The following TANC1 variants were observed in gnomAD, a reference collection of about 807,000 sequenced individuals.
TANC1 encodes tetratricopeptide repeat, ankyrin repeat and coiled-coil containing 1.
Under a neutral mutation model 149.7 loss-of-function variants are expected in TANC1, and 77 were observed. The ratio of observed to expected loss-of-function variants is 0.51; its 90% CI spans 0.43 to 0.62. TANC1 has a LOEUF of 0.62. TANC1 is among the 20% of genes least tolerant of loss of function. TANC1 has a pLI of 0.00. For missense variants in TANC1, 1,985 were observed against 2,321.8 expected, an observed-to-expected ratio of 0.85 and a Z score of 2.98; for synonymous variants, 854 against 925.0, an observed-to-expected ratio of 0.92 and a Z score of 1.39.
At chr2:159,021,323 G>T (rs1157161327) in intron 2 of TANC1, among the ~76,000 whole-genome samples, 2 of 152,124 alleles carry the variant, frequency 1.3e-5, no homozygotes, top group East Asian at 3.8e-4. Flanking sequence ...TTTAAGATCA[G>T]TTTCTAGTGA....
chr2:159,025,673 G>A (rs1272739781), intron 2 of TANC1, among the ~76,000 whole-genome samples: 2 of 152,084 alleles, frequency 1.3e-5, no homozygotes, highest in African/African-American at 4.8e-5. Context: ...AGGGATGTTG[G>A]ATACATGGGG....
chr2:159,074,110 C>G (rs1271160119), intron 3 of TANC1, among the ~76,000 whole-genome samples: 1 of 152,122 alleles, frequency 6.6e-6, no homozygotes, highest in Non-Finnish European at 1.5e-5. Flanking sequence ...TGTGTCTTCT[C>G]TCTCCCACTC....
At position 159,230,961 on chromosome 2, in the gene TANC1, C is replaced by T. The variant is rs1369440506; in HGVS notation, c.5535C>T (p.Ser1845=). The change falls in exon 27 of 27, where the codon AGC becomes AGT. Residue 1845 remains serine, a synonymous_variant. Transcript: ENST00000263635. The surrounding 1 kb of genome is among the most constrained non-coding windows in gnomAD (Gnocchi z 4.4). ...ATATTAGTAATGAAGCCCACAGGAG[C>T]CACCTCACTGCAGCCAAACCAAAGC... ...QPHISNEAHR[S]HLTAAKPKRS... is the part of the protein sequence containing the mutation. 1.2e-6 allele frequency: 2 copies of T among 1,613,900 alleles called. No homozygotes were observed. Among genetic ancestry groups the T allele is most frequent in the Non-Finnish European group, 1.7e-6 (2 of 1,180,000 alleles).
At chr2:159,016,648 C>T (rs1004223067) in intron 2 of TANC1, among the ~76,000 whole-genome samples, 1 of 150,794 alleles carries the variant, frequency 6.6e-6, no homozygotes, top group Admixed American at 6.6e-5. Context: ...GATCTTGGCT[C>T]ACTGCATGCT....
chr2:159,142,064 G>A (rs1320093938), intron 5 of TANC1, among the ~76,000 whole-genome samples: 1 of 152,208 alleles, frequency 6.6e-6, no homozygotes, highest in African/African-American at 2.4e-5. Flanking sequence ...ATGTGATAAG[G>A]AAATGGAATT....
chr2:159,053,650 A>G (rs532881436), intron 2 of TANC1, among the ~76,000 whole-genome samples: 1 of 152,378 alleles, frequency 6.6e-6, no homozygotes, highest in Admixed American at 6.5e-5. Context: ...GTCACCGTGT[A>G]ACAAGCTTTA....
Position 159,149,122 on chromosome 2 carries a change from G to C in TANC1, c.365-20G>C. Reference sequence around the variant, plus strand: ...AATTCCCCAGAGGGGCATCTTCATTGTTTTCTTTCTTTGTTCCAGAAGCAA... The same window carrying C: ...AATTCCCCAGAGGGGCATCTTCATTCTTTTCTTTCTTTGTTCCAGAAGCAA... On this transcript the variant is annotated intron_variant, in intron 5 of 26. Transcript: ENST00000263635. 1 of 1,561,934 alleles carries C rather than the reference G, an allele frequency of 6.4e-7. No individual in the cohort carries two copies. Among genetic ancestry groups the C allele is most frequent in the Non-Finnish European group, 8.7e-7 (1 of 1,153,992 alleles).
At chr2:159,065,597 C>T (rs530413069) in intron 2 of TANC1, among the ~76,000 whole-genome samples, 5 of 149,224 alleles carry the variant, frequency 3.4e-5, no homozygotes, top group African/African-American at 1.2e-4. Flanking sequence ...CAGGTTTAGC[C>T]TCATAACCTT....
At chr2:159,100,055 A>G (rs1344324975) in intron 4 of TANC1, among the ~76,000 whole-genome samples, 1 of 152,166 alleles carries the variant, frequency 6.6e-6, no homozygotes, top group African/African-American at 2.4e-5. Flanking sequence ...TCTCTATATA[A>G]TAGATAATAG....
chr2:159,205,109 TG>T (rs1301875077), intron 19 of TANC1, among the ~76,000 whole-genome samples: 1 of 152,252 alleles, frequency 6.6e-6, no homozygotes, highest in East Asian at 1.9e-4. Flanking sequence ...GCTGCGAAGC[TG>T]GGTCCTGTTG....
chr2:159,037,664 T>C (rs1195815445), intron 2 of TANC1, among the ~76,000 whole-genome samples: 1 of 152,230 alleles, frequency 6.6e-6, no homozygotes, highest in African/African-American at 2.4e-5. Flanking sequence ...CAGATGGTTG[T>C]AGATGTGTGA....
intron 4 of TANC1, among the ~76,000 whole-genome samples, chr2:159,134,595 G>T (rs752377955): frequency 6.6e-6 from 1 of 152,084 alleles, no homozygotes. Flanking sequence ...CGATTCTCCT[G>T]CCTCAGCCTC....
intron 23 of TANC1, chr2:159,224,719 TGTTCTAGAGCCACCA>T (rs937541126): frequency 8.7e-5 from 20 of 228,774 alleles, no homozygotes; most frequent in African/African-American, 4.2e-4. Flanking sequence ...GCTGAGCCAC[TGTTCTAGAGCCACCA>T]GTCAGCTGTG....
chr2:159,009,495 A>G (rs1322649549), intron 2 of TANC1, among the ~76,000 whole-genome samples: 1 of 152,238 alleles, frequency 6.6e-6, no homozygotes, highest in East Asian at 1.9e-4. Context: ...AGCCAGGCAC[A>G]GAAAGATAAA....
intron 3 of TANC1, among the ~76,000 whole-genome samples, chr2:159,077,905 C>T (rs2043861482): frequency 6.6e-6 from 1 of 152,182 alleles, no homozygotes; most frequent in South Asian, 2.1e-4. Flanking sequence ...GGTAAGTTTA[C>T]AATTCCACCA....
intron 7 of TANC1, among the ~76,000 whole-genome samples, chr2:159,151,477 G>C (rs2052805837): frequency 6.6e-6 from 1 of 152,236 alleles, no homozygotes; most frequent in Non-Finnish European, 1.5e-5. Context: ...CCCTTTTGCT[G>C]AGTTATGCAC....
intron 2 of TANC1, among the ~76,000 whole-genome samples, chr2:159,025,189 T>TTTTTTCTTTCTTTCTTTCTTTCTTTC (rs1491417289): frequency 1.9e-5 from 2 of 105,222 alleles, no homozygotes; most frequent in Non-Finnish European, 3.8e-5. Context: ...TTTTTCTTTC[T>TTTTTTCTTTCTTTCTTTCTTTCTTTC]TTTCTTTCTT....
At chr2:159,180,838 A>G (rs1418452602) in intron 14 of TANC1, among the ~76,000 whole-genome samples, 1 of 152,194 alleles carries the variant, frequency 6.6e-6, no homozygotes, top group Non-Finnish European at 1.5e-5. Context: ...CCCTGCTCTC[A>G]GGGCTTCCCA....
chr2:159,122,101 C>G (rs935031593), intron 4 of TANC1, among the ~76,000 whole-genome samples: 1 of 152,204 alleles, frequency 6.6e-6, no homozygotes, highest in Non-Finnish European at 1.5e-5. Flanking sequence ...CCACACCCAC[C>G]TAATTTTTGT....
Sources: allele counts gnomAD v4.1 joint callset (sites outside exome capture counted in the v4.1 genomes callset), GRCh38; gene constraint gnomAD v4.1.1; non-coding constraint Gnocchi (gnomAD v3.1); transcripts MANE v1.5; gene names NCBI Gene and HGNC (gene_info 2026-07-23, HGNC 2026-07-21).